IL34: variants seen among roughly 807,000 people sequenced by gnomAD.
The protein encoded by IL34 is interleukin 34, also known as interleukin-34.
Under a neutral mutation model 25.3 loss-of-function variants are expected in IL34, and 17 were observed. The observed-to-expected ratio is 0.67, with a 90% CI of 0.46 to 1.01. IL34 has a LOEUF of 1.01. Ranked by LOEUF, IL34 falls within the 50% of genes least tolerant of loss-of-function variation. IL34 has a pLI of 0.00. For missense variants in IL34, 368 were observed against 312.9 expected (o/e 1.18, Z -1.33); for synonymous variants, 174 against 140.9 (o/e 1.23, Z -1.66).
intron 1 of IL34, among the ~76,000 whole-genome samples, chr16:70,585,935 G>A (rs1817217577): frequency 6.6e-6 from 1 of 150,976 alleles, no homozygotes; most frequent in African/African-American, 2.4e-5. Context: ...CCAGGTTCAC[G>A]CCATTCTCCT....
intron 1 of IL34, among the ~76,000 whole-genome samples, chr16:70,653,457 G>C (rs537736018): frequency 6.6e-6 from 1 of 152,142 alleles, no homozygotes; most frequent in East Asian, 1.9e-4. Context: ...CCAGCACTTT[G>C]GGAGGCTGAG....
rs1334302081 is a variant in IL34 at position 70,580,536 on chromosome 16, C to T, written c.-401+487C>T. On this transcript the variant is annotated intron_variant, in intron 1 of 6. Transcript: ENST00000429149. ...GGCTCACGCCTGTAATCTGTAATCC[C>T]AGCACTCTGGGAGGCGAGCGGATCA... Among the ~76,000 whole-genome samples the T allele has an allele frequency of 2.6e-5, 4 of 152,208 alleles. No homozygotes were observed. The East Asian group carries it at 7.7e-4, about 29-fold the overall frequency.
chr16:70,634,595 C>G (rs1037068985), intron 1 of IL34, among the ~76,000 whole-genome samples: 1 of 151,802 alleles, frequency 6.6e-6, no homozygotes, highest in Non-Finnish European at 1.5e-5. Flanking sequence ...CAGGAGAATT[C>G]CTTGAACCCA....
intron 1 of IL34, among the ~76,000 whole-genome samples, chr16:70,651,593 T>C (rs775767316): frequency 2.4e-4 from 36 of 151,810 alleles, no homozygotes; most frequent in Non-Finnish European, 4.7e-4. Flanking sequence ...CAGGGCAGGT[T>C]TGGAGAAGGC....
At chr16:70,651,182 G>T (rs1036975123) in intron 1 of IL34, among the ~76,000 whole-genome samples, 21 of 152,034 alleles carry the variant, frequency 1.4e-4, no homozygotes, top group Non-Finnish European at 1.9e-4. Context: ...GCGTGGTGAT[G>T]GGGGGGAGAG....
intron 1 of IL34, among the ~76,000 whole-genome samples, chr16:70,613,681 CT>C (rs964661454): frequency 6.6e-6 from 1 of 151,990 alleles, no homozygotes; most frequent in African/African-American, 2.4e-5. Context: ...CAAAACCAGC[CT>C]GGCCAGCACA....
intron 1 of IL34, among the ~76,000 whole-genome samples, chr16:70,607,405 G>A (rs1309827278): frequency 1.3e-5 from 2 of 152,078 alleles, no homozygotes; most frequent in African/African-American, 4.8e-5. Flanking sequence ...GCACCCGGCT[G>A]GATTTTCTAT....
intron 1 of IL34, among the ~76,000 whole-genome samples, chr16:70,610,750 G>A (rs1276916310): frequency 1.3e-5 from 2 of 152,232 alleles, no homozygotes; most frequent in African/African-American, 4.8e-5. Context: ...ATTCCAGGAA[G>A]AGATAAGGCA....
At chr16:70,636,759 C>A (rs1375140397) in intron 1 of IL34, among the ~76,000 whole-genome samples, 1 of 149,510 alleles carries the variant, frequency 6.7e-6, no homozygotes, top group Non-Finnish European at 1.5e-5. Context: ...CAGAGAGAAA[C>A]CCTGTCTCAA....
At chr16:70,621,802 A>G (rs2051288660) in intron 1 of IL34, among the ~76,000 whole-genome samples, 1 of 152,016 alleles carries the variant, frequency 6.6e-6, no homozygotes, top group Admixed American at 6.6e-5. Context: ...TCTGGCGGGC[A>G]GGAGTGGGGG....
At chr16:70,635,664 CAAGT>C (rs916045982) in intron 1 of IL34, among the ~76,000 whole-genome samples, 23 of 152,168 alleles carry the variant, frequency 1.5e-4, no homozygotes, top group African/African-American at 5.1e-4. Context: ...CTTTCACAAT[CAAGT>C]AAGTATTTTG....
chr16:70,586,127 C>T (rs12931402), intron 1 of IL34, among the ~76,000 whole-genome samples: 2 of 152,056 alleles, frequency 1.3e-5, no homozygotes, highest in Non-Finnish European at 2.9e-5. Flanking sequence ...CCACCGCCCC[C>T]AGCCCTGGCC....
At chr16:70,627,873 GTTTA>G (rs1243590836) in intron 1 of IL34, among the ~76,000 whole-genome samples, 1 of 152,102 alleles carries the variant, frequency 6.6e-6, no homozygotes, top group African/African-American at 2.4e-5. Context: ...TATTTGTGAG[GTTTA>G]TTTATCCACA....
intron 1 of IL34, among the ~76,000 whole-genome samples, chr16:70,617,055 G>T (rs991246697): frequency 6.6e-6 from 1 of 152,128 alleles, no homozygotes; most frequent in Non-Finnish European, 1.5e-5. Flanking sequence ...GGTGGCGTGG[G>T]AACCTAGAGT....
At chr16:70,640,785 A>G (rs2051763493) in intron 1 of IL34, among the ~76,000 whole-genome samples, 1 of 152,164 alleles carries the variant, frequency 6.6e-6, no homozygotes, top group African/African-American at 2.4e-5. Context: ...CCAACGCTTC[A>G]TTCAGGGTTT....
intron 2 of IL34, among the ~76,000 whole-genome samples, chr16:70,655,405 T>C (rs1053109764): frequency 6.6e-6 from 1 of 151,650 alleles, no homozygotes; most frequent in African/African-American, 2.4e-5. Flanking sequence ...TTCTTTTCTT[T>C]TGAGACAGGG....
chr16:70,650,088 C>A (rs1038246142), intron 1 of IL34, among the ~76,000 whole-genome samples: 2 of 152,264 alleles, frequency 1.3e-5, no homozygotes, highest in South Asian at 4.1e-4. Flanking sequence ...TGTGAGCCTC[C>A]GTGCCCAGCC....
Position 70,656,668 on chromosome 16 carries a change from G to A in IL34, c.229G>A (p.Val77Ile), listed in dbSNP as rs144427482. The A allele has an allele frequency of 2.2e-5, 30 of 1,378,278 alleles. No individual in the cohort carries two copies. The highest frequency in any genetic ancestry group is 1.7e-4 in the African/African-American group (12 of 70,408). The allele number at this position is 1,378,278 out of a possible 1,614,324, so 85.4% of individuals were successfully genotyped here. A position where few individuals can be genotyped will look rare whatever the true frequency, so the allele number is the denominator to read the frequency against. ...CGAGGGGGTGTTCAGAATCGCCAAC[G>A]TCACCAGGCTGGTGAGAATCCCTTC... ...PYEGVFRIAN[V>I]TRLQRAQVSE... is the part of the protein sequence containing the mutation. The change falls in exon 3 of 6, where the codon GTC becomes ATC. Residue 77 changes from valine (V) to isoleucine (I), a missense_variant. By Grantham distance (29) the Val-to-Ile change is conservative. Transcript: ENST00000288098.
At chr16:70,585,745 T>A (rs2050686792) in intron 1 of IL34, among the ~76,000 whole-genome samples, 1 of 151,214 alleles carries the variant, frequency 6.6e-6, no homozygotes, top group African/African-American at 2.4e-5. Context: ...TTGCACAGGC[T>A]CGTCTTGAAC....
Sources: gnomAD v4.1 joint callset for allele counts (sites outside exome capture counted in the v4.1 genomes callset) on GRCh38, gnomAD v4.1.1 for gene constraint, MANE v1.5 for transcripts, NCBI Gene and HGNC (gene_info 2026-07-23, HGNC 2026-07-21) for gene names.